The following CHD1L variants were observed in gnomAD, a reference collection of about 807,000 sequenced individuals.
The protein encoded by CHD1L is chromodomain helicase DNA binding protein 1 like.
Under a neutral mutation model 115.9 loss-of-function variants are expected in CHD1L, and 118 were observed. The observed-to-expected ratio is 1.02, with a 90% CI of 0.88 to 1.19. CHD1L has a LOEUF of 1.19. Among genes scored for constraint, CHD1L ranks in the 50% most tolerant of loss-of-function variants. The pLI is 0.00. For synonymous variants in CHD1L, 411 were observed against 387.1 expected, an observed-to-expected ratio of 1.06 and a Z score of -0.72; for missense variants, 1,179 against 1,065.3, an observed-to-expected ratio of 1.11 and a Z score of -1.49.
the CHD1L span, chr1:147,214,723 A>C: frequency 6.6e-6 from 1 of 151,968 alleles, no homozygotes; most frequent in African/African-American, 2.4e-5. Context: ...CAACGTATAG[A>C]TCTCTAGCAT....
chr1:147,250,812 G>A lies in CHD1L; in HGVS notation c.128-1811G>A, dbSNP rs587612468. ...CTGGAGCAGGCTTGTGAGGGGTGGG[G>A]GTGGTATGGTTTGGCTGTGTCCCCA... On this transcript the variant is annotated intron_variant, in intron 1 of 22. Coordinates refer to ENST00000369258, the MANE Select transcript of CHD1L (RefSeq NM_004284.6). Among the ~76,000 whole-genome samples the A allele has an allele frequency of 1.2e-3, 188 of 151,942 alleles. 2 individuals carry two copies. The highest frequency in any genetic ancestry group is 2.0e-3 in the Admixed American group (30 of 15,268).
At chr1:147,236,413 G>A in the CHD1L span, among the ~76,000 whole-genome samples, 9 of 152,238 alleles carry the variant, frequency 5.9e-5, no homozygotes, top group Admixed American at 5.9e-4. Context: ...CGGGTCCTGA[G>A]TTCTTGTCCT....
chr1:147,279,943 G>A lies in CHD1L; in HGVS notation c.1540-83G>A, dbSNP rs1316448333. ...TTAGAGAAGGACTGTGCCTGGTGTC[G>A]TTAATCCACTTAGCCAATCACTGAT... On this transcript the variant is annotated intron_variant, in intron 14 of 22. Coordinates refer to ENST00000369258, the MANE Select transcript of CHD1L (RefSeq NM_004284.6). The A allele has an allele frequency of 1.5e-5, 22 of 1,439,900 alleles. No individual in the cohort carries two copies. In the African/African-American group the frequency reaches 1.7e-4, roughly 11 times the overall value. The allele number at this position is 1,439,900 out of a possible 1,614,324, so 89.2% of individuals were successfully genotyped here.
At chr1:147,263,918 A>G (rs142695240) in intron 6 of CHD1L, among the ~76,000 whole-genome samples, 127 of 152,276 alleles carry the variant, frequency 8.3e-4, no homozygotes, top group Non-Finnish European at 1.4e-3. Context: ...AAATCTTGAC[A>G]TCTTGCATCT....
intron 11 of CHD1L, 46 bp downstream of exon 11, chr1:147,271,051 A>T (rs1277040691): frequency 6.9e-7 from 1 of 1,444,164 alleles, no homozygotes; most frequent in Non-Finnish European, 9.7e-7. Context: ...TGTTAGACTT[A>T]ACAGTCCAGA....
At chr1:147,286,724 A>G (rs1441301216) in intron 18 of CHD1L, among the ~76,000 whole-genome samples, 3 of 152,184 alleles carry the variant, frequency 2.0e-5, no homozygotes, top group Non-Finnish European at 4.4e-5. Flanking sequence ...TTCCTTATCC[A>G]TATGATGGGA....
chr1:147,225,245 G>T, the CHD1L span: 2 of 1,314,128 alleles, frequency 1.5e-6, no homozygotes, highest in Non-Finnish European at 2.0e-6. Flanking sequence ...GCGCCTGCAA[G>T]ACCCAGAGCT....
chr1:147,286,337 C>T lies in CHD1L; in HGVS notation c.2058C>T (p.Cys686=), dbSNP rs782444575. 3 of 1,614,142 alleles carry T rather than the reference C, an allele frequency of 1.9e-6. No individual in the cohort carries two copies. Among genetic ancestry groups the T allele is most frequent in the South Asian group, 1.1e-5 (1 of 91,082 alleles). ...WWESNNYQSF[C]LPSEESEPED... ...AATCCAACAATTACCAGTCCTTCTG[C>T]CTGCCCTCTGAGGAGAGCGAGCCAG... The change falls in exon 18 of 23, where the codon TGC becomes TGT. Residue 686 remains cysteine (C), a synonymous_variant. Transcript: ENST00000369258.
the CHD1L span, among the ~76,000 whole-genome samples, chr1:147,233,570 C>T: frequency 5.1e-4 from 77 of 152,034 alleles, no homozygotes; most frequent in Admixed American, 1.4e-3. Context: ...CCCCTCTGCC[C>T]GGCCACCACC....
At chr1:147,193,685 C>G in the CHD1L span, among the ~76,000 whole-genome samples, 1 of 152,100 alleles carries the variant, frequency 6.6e-6, no homozygotes, top group African/African-American at 2.4e-5. Context: ...TAAATGTGTT[C>G]CAGAGATTCT....
chr1:147,236,855 C>G, the CHD1L span, among the ~76,000 whole-genome samples: 1 of 152,228 alleles, frequency 6.6e-6, no homozygotes, highest in Non-Finnish European at 1.5e-5. Flanking sequence ...AGATAAAACA[C>G]AAGTTCTCAC....
At chr1:147,202,211 A>G in the CHD1L span, among the ~76,000 whole-genome samples, 8 of 152,114 alleles carry the variant, frequency 5.3e-5, no homozygotes, top group Non-Finnish European at 1.2e-4. Flanking sequence ...GGATACTGGA[A>G]ACATTGGGTT....
chr1:147,277,783 C>A (rs1679097923), intron 14 of CHD1L, among the ~76,000 whole-genome samples: 1 of 152,104 alleles, frequency 6.6e-6, no homozygotes, highest in African/African-American at 2.4e-5. Context: ...ATCCATAGAA[C>A]CTTAAGAGAG....
At chr1:147,240,320 T>C (rs922611962), upstream of CHD1L, among the ~76,000 whole-genome samples, 5 of 152,236 alleles carry the variant, frequency 3.3e-5, no homozygotes, top group Non-Finnish European at 7.3e-5. Flanking sequence ...GTTAAACAAA[T>C]GCTTGAAGGC....
chr1:147,243,320 C>T (rs587698451), intron 1 of CHD1L, among the ~76,000 whole-genome samples: 2 of 152,226 alleles, frequency 1.3e-5, no homozygotes, highest in East Asian at 1.9e-4. Context: ...GATTAATTCT[C>T]CGGATCGAGT....
chr1:147,193,017 G>T, the CHD1L span, among the ~76,000 whole-genome samples: 2 of 152,116 alleles, frequency 1.3e-5, no homozygotes, highest in Non-Finnish European at 2.9e-5. Flanking sequence ...GATGATGCTG[G>T]CCTCATAAAA....
chr1:147,247,287 T>C (rs1553934284), intron 1 of CHD1L, among the ~76,000 whole-genome samples: 1 of 151,840 alleles, frequency 6.6e-6, no homozygotes, highest in Non-Finnish European at 1.5e-5. Flanking sequence ...TGAAATTTGA[T>C]CCCCAGTGTT....
At chr1:147,190,089 C>T in the CHD1L span, 15 of 835,066 alleles carry the variant, frequency 1.8e-5, no homozygotes, top group Admixed American at 1.2e-4. Context: ...CTTAAGCTAA[C>T]ATGAGGCAGT....
chr1:147,287,587 A>T (rs1683692745), intron 18 of CHD1L, 48 bp from the exon 19 acceptor site: 1 of 1,378,210 alleles, frequency 7.3e-7, no homozygotes, highest in Non-Finnish European at 1.0e-6. Flanking sequence ...TAAATTGTGC[A>T]CTGGACTTCA....
Sources: gnomAD v4.1 joint callset for allele counts (sites outside exome capture counted in the v4.1 genomes callset) on GRCh38, gnomAD v4.1.1 for gene constraint, MANE v1.5 for transcripts, NCBI Gene and HGNC (gene_info 2026-07-23, HGNC 2026-07-21) for gene names.